Variants in HELT observed in about 807,000 individuals in gnomAD.
HELT encodes the protein hairy and enhancer of split-related protein HELT.
Under a neutral mutation model 19.5 loss-of-function variants are expected in HELT, and 9 were observed. That is an observed-to-expected ratio of 0.46 (90% CI 0.28 to 0.80). HELT has a LOEUF of 0.80. Among genes scored for constraint, HELT ranks in the 30% least tolerant of loss-of-function variants. HELT has a pLI of 0.12. For synonymous variants in HELT, 162 were observed against 148.3 expected (o/e 1.09, Z -0.67); for missense variants, 366 against 326.3 (o/e 1.12, Z -0.94).
rs1561324024 is a variant in HELT, at chr4:185,019,424, G to A, written c.65G>A (p.Arg22Lys). 3 of 1,613,362 alleles carry A rather than the reference G, an allele frequency of 1.9e-6. No homozygotes were observed. Among genetic ancestry groups the A allele is most frequent in the Non-Finnish European group, 2.5e-6 (3 of 1,179,618 alleles). ...TCTCATAAAGTGATAGAAAAGCGGAGGAGGGACAGGATCAACCGCTGCTTG... is the reference window on the plus strand; with the variant it reads ...TCTCATAAAGTGATAGAAAAGCGGAAGAGGGACAGGATCAACCGCTGCTTG... The part of the protein sequence containing the change: ...PVSHKVIEKR[R>K]RDRINRCLNE... The change falls in exon 2 of 4, where the codon AGG (arginine) becomes AAG (lysine). Residue 22 changes from arginine (R) to lysine (K), a missense_variant. Coordinates refer to ENST00000515777, the MANE Select transcript of HELT (RefSeq NM_001300781.2).
In HELT at chr4:185,020,687, T is replaced by C. The variant is rs916565621; in HGVS notation, c.644T>C (p.Leu215Pro). 2.5e-6 allele frequency: 4 copies of C among 1,603,966 alleles called. No individual in the cohort carries two copies. Among genetic ancestry groups the C allele is most frequent in the Non-Finnish European group, 3.4e-6 (4 of 1,179,132 alleles). The change falls in exon 4 of 4, where the codon CTG becomes CCG. Residue 215 changes from leucine to proline, a missense_variant. Coordinates refer to ENST00000515777, the MANE Select transcript of HELT (RefSeq NM_001300781.2). ...HSPFLTPVQG[L>P]DRHYLNLIGH... ...CCCTTCCTGACACCGGTGCAGGGCC[T>C]GGACCGGCATTACCTCAACCTGATC...
At chr4:185,019,567 C>T (rs1733994808) in intron 2 of HELT, 76 bp downstream of exon 2, 5 of 1,551,038 alleles carry the variant, frequency 3.2e-6, no homozygotes, top group Admixed American at 2.0e-5. Flanking sequence ...CGCCCGAGCC[C>T]GCGGACACAG....
Position 185,019,620 on chromosome 4 carries a change from G to A in HELT, c.133-127G>A, listed in dbSNP as rs1011034541. ...CCCCTCCCAGGCGGGGGGCCTGAGC[G>A]CAGGGCGAACCTCAGGAGGCTCTGG... is the stretch of plus-strand genomic sequence containing the variant. On this transcript the variant is annotated intron_variant, in intron 2 of 3. Transcript: ENST00000515777. 4.4e-6 allele frequency: 7 copies of A among 1,594,040 alleles called. No individual in the cohort carries two copies. In the African/African-American group the frequency reaches 8.1e-5, roughly 18 times the overall value.
chr4:185,020,891 G>C lies in HELT; in HGVS notation c.*119G>C. 1 of 1,195,048 alleles carries C rather than the reference G, an allele frequency of 8.4e-7. No individual in the cohort carries two copies. The highest frequency in any genetic ancestry group is 1.1e-6 in the Non-Finnish European group (1 of 904,526). The allele number at this position is 1,195,048 out of a possible 1,614,324, so 74.0% of individuals were successfully genotyped here. A position where few individuals can be genotyped will look rare whatever the true frequency, so the allele number is the denominator to read the frequency against. Reference sequence around the variant, plus strand: ...AAAAATCTGGGCTGGGGGAGGCAAAGAGCGAATGAGTCTTCTGAAGGATCT... The same window carrying C: ...AAAAATCTGGGCTGGGGGAGGCAAACAGCGAATGAGTCTTCTGAAGGATCT... On this transcript the variant is annotated 3_prime_UTR_variant, in exon 4 of 4. Transcript: ENST00000515777.
rs1733968544 is a variant in HELT at position 185,018,831 on chromosome 4, G to A, written c.-98G>A. On this transcript the variant is annotated 5_prime_UTR_variant, in exon 1 of 4. Transcript: ENST00000515777. ...ATAAGGCAGCCCTCGGAGTTGGGAGGCTGCAGTCTACCTGGGACACTCGAG... is the reference window on the plus strand; with the variant it reads ...ATAAGGCAGCCCTCGGAGTTGGGAGACTGCAGTCTACCTGGGACACTCGAG... 2 of 1,288,962 alleles carry A rather than the reference G, an allele frequency of 1.6e-6. No homozygotes were observed. 79.8% of individuals were successfully genotyped at this position (1,288,962 alleles called of 1,614,324 possible). A position where few individuals can be genotyped will look rare whatever the true frequency, so the allele number is the denominator to read the frequency against.
chr4:185,018,951 G>C lies in HELT; in HGVS notation c.23G>C (p.Arg8Pro). The change falls in exon 1 of 4, where the codon CGC becomes CCC. Residue 8 changes from arginine to proline, a missense_variant. By Grantham distance (103) the Arg-to-Pro change is moderately radical. Coordinates refer to ENST00000515777, the MANE Select transcript of HELT (RefSeq NM_001300781.2). ...AGGATGTCAGACAAGCTCAAGGAAC[G>C]CAAAGTGAGTCGGCTGAGCCCAAAT... Reference protein sequence around the residue: MSDKLKERKRTPVSHKVI... With the variant: MSDKLKEPKRTPVSHKVI... 2 of 1,611,630 alleles carry C rather than the reference G, an allele frequency of 1.2e-6. No individual in the cohort carries two copies. The highest frequency in any genetic ancestry group is 1.7e-6 in the Non-Finnish European group (2 of 1,178,454).
rs1447364895 is a variant in HELT, at chr4:185,020,608, C to T, written c.565C>T (p.Pro189Ser). The stretch of plus-strand genomic sequence containing the variant: ...TGGCGCGGCCCGCAGCCCCGCGCTG[C>T]CCTACCTGCCCAGCGCGCCAGTGCC... ...PPGAARSPALPYLPSAPVPLA... is the reference protein window; with the variant it reads ...PPGAARSPALSYLPSAPVPLA... The change falls in exon 4 of 4, where the codon CCC becomes TCC. Residue 189 changes from proline to serine, a missense_variant. By Grantham distance (74) the Pro-to-Ser change is moderately conservative (BLOSUM62 -1). Coordinates refer to ENST00000515777, the MANE Select transcript of HELT (RefSeq NM_001300781.2). 1 of 1,598,868 alleles carries T rather than the reference C, an allele frequency of 6.3e-7. No homozygotes were observed.
intron 1 of HELT, 41 bp from the exon 2 acceptor site, chr4:185,019,346 C>A: frequency 6.5e-7 from 1 of 1,533,032 alleles, no homozygotes; most frequent in East Asian, 2.4e-5. Flanking sequence ...TGACGACTTC[C>A]CGGGCAAAGC....
At chr4:185,019,552 G>T in intron 2 of HELT, 61 bp downstream of exon 2, 1 of 1,556,252 alleles carries the variant, frequency 6.4e-7, no homozygotes, top group East Asian at 2.4e-5. Context: ...GCCACTCTGC[G>T]GAGACGCCCG....
chr4:185,019,755 G>C lies in HELT; in HGVS notation c.141G>C (p.Gly47=). 3 of 1,613,572 alleles carry C rather than the reference G, an allele frequency of 1.9e-6. No homozygotes were observed. The highest frequency in any genetic ancestry group is 1.7e-6 in the Non-Finnish European group (2 of 1,180,010). Residue 47 remains glycine (G), a synonymous_variant, in exon 3 of 4, where the codon GGG becomes GGC. Coordinates refer to ENST00000515777, the MANE Select transcript of HELT (RefSeq NM_001300781.2). ...VPMALAKQSS[G]KLEKAEILEM... is the part of the protein sequence containing the mutation. ...CCTTCCTCCTTTTGCAGAGTTCCGG[G>C]AAGCTGGAGAAGGCGGAGATCCTCG...
At position 185,020,323 on chromosome 4, in the gene HELT, T is replaced by C. The variant is rs1734033978; in HGVS notation, c.280T>C (p.Cys94Arg). The change falls in exon 4 of 4, where the codon TGC becomes CGC. Residue 94 changes from cysteine to arginine, a missense_variant. Transcript: ENST00000515777. ...ANYFHYGYHECMKNLVHYLTT... is the reference protein window; with the variant it reads ...ANYFHYGYHERMKNLVHYLTT... Reference sequence around the variant, plus strand: ...CTACTTCCACTATGGCTACCACGAGTGCATGAAGAACCTGGTGCATTACCT... The same window carrying C: ...CTACTTCCACTATGGCTACCACGAGCGCATGAAGAACCTGGTGCATTACCT... The C allele has an allele frequency of 6.2e-7, 1 of 1,613,974 alleles. No individual in the cohort carries two copies. Among genetic ancestry groups the C allele is most frequent in the Non-Finnish European group, 8.5e-7 (1 of 1,180,028 alleles).
At chr4:185,019,187 G>T in intron 1 of HELT, 200 bp from the exon 2 acceptor site, 1 of 1,429,978 alleles carries the variant, frequency 7.0e-7, no homozygotes, top group Non-Finnish European at 9.4e-7. Flanking sequence ...GGGTAGGGTG[G>T]CTGGAAGGGG....
chr4:185,019,060 G>T, intron 1 of HELT, 105 bp downstream of exon 1: 2 of 1,613,452 alleles, frequency 1.2e-6, no homozygotes, highest in South Asian at 1.1e-5. Context: ...GCCCGCACGG[G>T]ACTTTGAGTG....
Position 185,020,625 on chromosome 4 carries a change from G to A in HELT, c.582G>A (p.Ala194=). ...CCGCGCTGCCCTACCTGCCCAGCGC[G>A]CCAGTGCCGCTCGCTAGCCCAGCGC... ...RSPALPYLPS[A]PVPLASPAQQ... The change falls in exon 4 of 4, where the codon GCG becomes GCA. Residue 194 remains alanine, a synonymous_variant. Transcript: ENST00000515777. 2.5e-6 allele frequency: 4 copies of A among 1,601,996 alleles called. No homozygotes were observed. The highest frequency in any genetic ancestry group is 3.4e-6 in the Non-Finnish European group (4 of 1,178,644).
rs1294348464 is a variant in HELT at position 185,019,310 on chromosome 4, GCAC to G, written c.28-75_28-73del. 6 of 1,285,430 alleles carry G rather than the reference GCAC, an allele frequency of 4.7e-6. No individual in the cohort carries two copies. In the African/African-American group the frequency reaches 8.8e-5, roughly 19 times the overall value. 79.6% of individuals were successfully genotyped at this position (1,285,430 alleles called of 1,614,324 possible). On this transcript the variant is annotated intron_variant, in intron 1 of 3. Coordinates refer to ENST00000515777, the MANE Select transcript of HELT (RefSeq NM_001300781.2). ...GTGTGCGCGGCTGGAGAGGCGGCTT[GCAC>G]CCAGCTGCTAGAGCCGCGCCTTTGA...
In HELT at chr4:185,019,036, G is replaced by T. The variant is rs775151655; in HGVS notation, c.27+81G>T. On this transcript the variant is annotated intron_variant, in intron 1 of 3. Coordinates refer to ENST00000515777, the MANE Select transcript of HELT (RefSeq NM_001300781.2). ...CACCGACCCGCCACTTGGGTGGACC[G>T]ATGGCAGGGAAGTGCCCGCACGGGA... 1.9e-6 allele frequency: 3 copies of T among 1,614,032 alleles called. No individual in the cohort carries two copies. In the Admixed American group the frequency reaches 5.0e-5, roughly 27 times the overall value.
chr4:185,019,144 C>T (rs1052298393), intron 1 of HELT, 189 bp downstream of exon 1: 3 of 1,539,376 alleles, frequency 1.9e-6, no homozygotes, highest in African/African-American at 2.7e-5. Flanking sequence ...AGAAGTCCTG[C>T]CTGGAGGCTG....
chr4:185,020,948 C>T lies in HELT; in HGVS notation c.*176C>T. 3.8e-6 allele frequency: 3 copies of T among 791,600 alleles called. No homozygotes were observed. The highest frequency in any genetic ancestry group is 5.4e-6 in the Non-Finnish European group (3 of 551,494). 49.0% of individuals were successfully genotyped at this position (791,600 alleles called of 1,614,324 possible). Reference sequence around the variant, plus strand: ...GGTAATAAACGTTTTCTGATAAAGACCCAAAGAGAGGGATTTATGTATTAC... The same window carrying T: ...GGTAATAAACGTTTTCTGATAAAGATCCAAAGAGAGGGATTTATGTATTAC... On this transcript the variant is annotated 3_prime_UTR_variant, in exon 4 of 4. Transcript: ENST00000515777.
Position 185,020,741 on chromosome 4 carries a change from T to C in HELT, c.698T>C (p.Leu233Pro). ...CACGCGCACCCCAACGCCCTTAACC[T>C]GCACACGCCCCAGCACCCCCCGGTG... Reference protein sequence around the residue: ...IGHAHPNALNLHTPQHPPVL With the variant: ...IGHAHPNALNPHTPQHPPVL Residue 233 changes from leucine (L) to proline (P), a missense_variant, in exon 4 of 4, where the codon CTG (leucine) becomes CCG (proline). Coordinates refer to ENST00000515777, the MANE Select transcript of HELT (RefSeq NM_001300781.2). The C allele has an allele frequency of 3.8e-6, 6 of 1,567,044 alleles. No individual in the cohort carries two copies. Among genetic ancestry groups the C allele is most frequent in the East Asian group, 2.3e-5 (1 of 44,024 alleles).
Sources: allele counts gnomAD v4.1 joint callset, GRCh38; gene constraint gnomAD v4.1.1; transcripts MANE v1.5; gene names NCBI Gene and HGNC (gene_info 2026-07-23, HGNC 2026-07-21).